The following HERC3 variants were observed in gnomAD, a reference collection of about 807,000 sequenced individuals.
HERC3 encodes the protein probable E3 ubiquitin-protein ligase HERC3.
In HERC3, 58 loss-of-function variants were observed where a neutral mutation model predicts 129.9. That is an observed-to-expected ratio of 0.45 (90% confidence interval 0.36 to 0.56). The LOEUF (loss-of-function observed/expected upper bound fraction) is 0.56, where lower values mean the gene tolerates loss of function less well. HERC3 is among the 20% of genes least tolerant of loss of function. The pLI, the probability that HERC3 is intolerant of heterozygous loss-of-function variation, is 0.00. For missense variants in HERC3, 835 were observed against 1,244.2 expected (o/e 0.67, Z 4.95); for synonymous variants, 430 against 451.0 (o/e 0.95, Z 0.59).
At chr4:88,653,157 G>A in intron 6 of HERC3, 67 bp downstream of exon 6, 1 of 1,463,296 alleles carries the variant, frequency 6.8e-7, no homozygotes, top group Non-Finnish European at 9.5e-7. Flanking sequence ...TGCTTCTTGA[G>A]GATCTACTAT....
At chr4:88,686,675 G>C in intron 21 of HERC3, 61 bp from the exon 22 acceptor site, 3 of 1,053,354 alleles carry the variant, frequency 2.8e-6, no homozygotes, top group Non-Finnish European at 4.5e-6. Flanking sequence ...AACTGAAGTA[G>C]AAACACTGTT....
intron 14 of HERC3, among the ~76,000 whole-genome samples, 160 bp from the exon 15 acceptor site, chr4:88,669,699 CA>C (rs1472438668): frequency 6.6e-6 from 1 of 152,096 alleles, no homozygotes; most frequent in African/African-American, 2.4e-5. Context: ...TTGTTCTCCC[CA>C]AAAAGGTTTT....
chr4:88,621,198 C>T (rs1237182301), intron 3 of HERC3, among the ~76,000 whole-genome samples: 1 of 152,132 alleles, frequency 6.6e-6, no homozygotes, highest in African/African-American at 2.4e-5. Context: ...CCTCCACCTC[C>T]TGGGTTCAAG....
chr4:88,577,616 T>TATATATATATATATATATATAA, the HERC3 span, among the ~76,000 whole-genome samples: 3 of 144,656 alleles, frequency 2.1e-5, no homozygotes, highest in Admixed American at 1.3e-4. Context: ...TATATATATA[T>TATATATATATATATATATATAA]AATAGGTTTG....
At chr4:88,696,386 T>A (rs1365517207) in intron 23 of HERC3, 1 of 152,646 alleles carries the variant, frequency 6.6e-6, no homozygotes, top group Admixed American at 6.5e-5. Context: ...TCTACATCTC[T>A]TCAAGTAAAT....
At position 88,708,197 on chromosome 4, in the gene HERC3, T is replaced by C. The variant is rs918644749; in HGVS notation, c.*1237T>C. 3.9e-5 allele frequency: 6 copies of C among 152,612 alleles called. No homozygotes were observed. The highest frequency in any genetic ancestry group is 1.2e-4 in the African/African-American group (5 of 41,446). 9.5% of individuals were successfully genotyped at this position (152,612 alleles called of 1,614,324 possible). A position where few individuals can be genotyped will look rare whatever the true frequency, so the allele number is the denominator to read the frequency against. On this transcript the variant is annotated 3_prime_UTR_variant, in exon 26 of 26. Transcript: ENST00000402738. ...AAATCAAATATATGTATTTTAAAAA[T>C]AATGACATGCTCAACCTTCCTCATC...
the HERC3 span, among the ~76,000 whole-genome samples, chr4:88,577,849 C>T: frequency 6.6e-6 from 1 of 152,056 alleles, no homozygotes; most frequent in Non-Finnish European, 1.5e-5. Context: ...GCCCTATTCA[C>T]AGAATTGTAC....
chr4:88,613,558 G>A (rs1456255189), intron 3 of HERC3, among the ~76,000 whole-genome samples: 4 of 152,166 alleles, frequency 2.6e-5, no homozygotes, highest in African/African-American at 4.8e-5. Context: ...GGTTGCTCTC[G>A]GGCATCTGAA....
At chr4:88,671,766 C>G (rs1001924818) in intron 16 of HERC3, among the ~76,000 whole-genome samples, 1 of 152,078 alleles carries the variant, frequency 6.6e-6, no homozygotes, top group African/African-American at 2.4e-5. Context: ...TCAAGTGATT[C>G]ACCAGCCTCG....
the HERC3 span, among the ~76,000 whole-genome samples, chr4:88,582,337 A>G: frequency 6.6e-6 from 1 of 152,152 alleles, no homozygotes; most frequent in East Asian, 1.9e-4. Flanking sequence ...GGTCCTCTCC[A>G]TAGACAATGT....
At chr4:88,606,896 G>T (rs1165616995) in intron 3 of HERC3, among the ~76,000 whole-genome samples, 2 of 152,106 alleles carry the variant, frequency 1.3e-5, no homozygotes, top group African/African-American at 2.4e-5. Context: ...ACAGTTTTTT[G>T]AATAGGTAAT....
chr4:88,645,372 A>G (rs1236501229), intron 3 of HERC3, among the ~76,000 whole-genome samples: 1 of 152,222 alleles, frequency 6.6e-6, no homozygotes, highest in Admixed American at 6.5e-5. Flanking sequence ...CAATTTGCGG[A>G]AAAGCAGAAA....
At chr4:88,666,944 C>T (rs1241916656) in intron 12 of HERC3, among the ~76,000 whole-genome samples, 1 of 152,058 alleles carries the variant, frequency 6.6e-6, no homozygotes, top group African/African-American at 2.4e-5. Flanking sequence ...GATGAGTGGA[C>T]CAGTTTGCAC....
intron 9 of HERC3, among the ~76,000 whole-genome samples, chr4:88,657,758 C>T (rs1019017840): frequency 1.3e-5 from 2 of 151,560 alleles, no homozygotes; most frequent in Admixed American, 6.6e-5. Context: ...AGCTGTGCCT[C>T]GAAGGATGAT....
chr4:88,625,014 T>A (rs560853895), intron 3 of HERC3, among the ~76,000 whole-genome samples: 2 of 152,234 alleles, frequency 1.3e-5, no homozygotes, highest in Non-Finnish European at 2.9e-5. Flanking sequence ...TGGCTGTGTG[T>A]GCTCGTCTTT....
chr4:88,668,462 G>T (rs1731271525), intron 14 of HERC3: 1 of 212,076 alleles, frequency 4.7e-6, no homozygotes, highest in Non-Finnish European at 9.4e-6. Context: ...TGATACAGAG[G>T]TCTCCAAAAC....
chr4:88,699,304 GCCCC>G (rs1560782152), intron 23 of HERC3, among the ~76,000 whole-genome samples: 4 of 26,492 alleles, frequency 1.5e-4, no homozygotes, highest in Non-Finnish European at 1.3e-4. Context: ...CACCCACCCA[GCCCC>G]ACCCTCTTCC....
the HERC3 span, among the ~76,000 whole-genome samples, chr4:88,540,245 C>A: frequency 6.6e-6 from 1 of 152,048 alleles, no homozygotes; most frequent in East Asian, 1.9e-4. Flanking sequence ...GTAGAGAAGA[C>A]CTTAAATGAC....
At chr4:88,705,929 T>C (rs1055963930) in intron 25 of HERC3, among the ~76,000 whole-genome samples, 4 of 152,230 alleles carry the variant, frequency 2.6e-5, no homozygotes, top group African/African-American at 9.6e-5. Context: ...CCTGGCTGCA[T>C]TGGCTATTGA....
Sources: allele counts gnomAD v4.1 joint callset (sites outside exome capture counted in the v4.1 genomes callset), GRCh38; gene constraint gnomAD v4.1.1; transcripts MANE v1.5; gene names NCBI Gene and HGNC (gene_info 2026-07-23, HGNC 2026-07-21).